The following SEMA3C variants were observed in gnomAD, a reference collection of about 807,000 sequenced individuals.
The protein encoded by SEMA3C is semaphorin 3C.
SEMA3C carries 47 observed loss-of-function variants against 89.4 expected under a neutral mutation model. The observed-to-expected ratio is 0.53, with a 90% CI of 0.42 to 0.67. SEMA3C has a LOEUF of 0.67. Among genes scored for constraint, SEMA3C ranks in the 30% least tolerant of loss-of-function variants. SEMA3C has a pLI of 0.00. For missense variants in SEMA3C, 839 were observed against 929.1 expected (o/e 0.90, Z 1.26); for synonymous variants, 310 against 320.2 (o/e 0.97, Z 0.34).
At chr7:80,755,608 C>A (rs1316289555) in intron 15 of SEMA3C, among the ~76,000 whole-genome samples, 1 of 151,606 alleles carries the variant, frequency 6.6e-6, no homozygotes, top group Non-Finnish European at 1.5e-5. Flanking sequence ...CAGCTTCCTT[C>A]AGTACTATAT....
At chr7:80,905,980 A>G (rs1335173084) in intron 2 of SEMA3C, 1 of 977,276 alleles carries the variant, frequency 1.0e-6, no homozygotes, top group Non-Finnish European at 1.4e-6. Flanking sequence ...GAATAATAAA[A>G]CCTCTTTGTA....
chr7:80,778,787 C>T (rs188857358), intron 12 of SEMA3C, among the ~76,000 whole-genome samples: 20 of 152,236 alleles, frequency 1.3e-4, no homozygotes, highest in African/African-American at 3.9e-4. Context: ...TATAACAGTG[C>T]CACATCTGAT....
chr7:80,873,491 C>T (rs1464302710), intron 2 of SEMA3C, among the ~76,000 whole-genome samples: 8 of 152,258 alleles, frequency 5.3e-5, no homozygotes, highest in South Asian at 4.1e-4. Context: ...TTCTCTTAAA[C>T]GAATCAAATC....
intron 2 of SEMA3C, among the ~76,000 whole-genome samples, chr7:80,889,960 T>C (rs1448916921): frequency 6.6e-6 from 1 of 152,182 alleles, no homozygotes; most frequent in Non-Finnish European, 1.5e-5. Flanking sequence ...TTGTTTGATA[T>C]GTAGTCTATT....
chr7:80,865,130 C>A (rs1166394923), intron 2 of SEMA3C, among the ~76,000 whole-genome samples: 1 of 152,084 alleles, frequency 6.6e-6, no homozygotes, highest in Non-Finnish European at 1.5e-5. Context: ...TTCTTTAAAT[C>A]CTCCTTTATA....
intron 2 of SEMA3C, among the ~76,000 whole-genome samples, chr7:80,883,653 G>T (rs1791405210): frequency 6.6e-6 from 1 of 152,154 alleles, no homozygotes; most frequent in Admixed American, 6.5e-5. Flanking sequence ...GCTTCTTGCT[G>T]TTCCTTCCAT....
intron 2 of SEMA3C, among the ~76,000 whole-genome samples, chr7:80,907,234 T>G (rs1476044579): frequency 6.6e-6 from 1 of 152,110 alleles, no homozygotes; most frequent in Non-Finnish European, 1.5e-5. Context: ...CAGTTGCATG[T>G]GCATTAAAGC....
intron 2 of SEMA3C, among the ~76,000 whole-genome samples, chr7:80,865,983 C>T (rs1790918043): frequency 6.6e-6 from 1 of 152,060 alleles, no homozygotes; most frequent in African/African-American, 2.4e-5. Flanking sequence ...CCATAGTTTT[C>T]TTCTTTTGTC....
At chr7:80,750,473 T>TATATATATATATACATACACACACAC (rs869227686) in intron 16 of SEMA3C, among the ~76,000 whole-genome samples, 1 of 55,436 alleles carries the variant, frequency 1.8e-5, no homozygotes, top group Non-Finnish European at 3.5e-5. Flanking sequence ...TATATATATA[T>TATATATATATATACATACACACACAC]ACACACACAC....
intron 15 of SEMA3C, among the ~76,000 whole-genome samples, chr7:80,752,039 C>A (rs922873966): frequency 6.6e-6 from 1 of 152,098 alleles, no homozygotes; most frequent in East Asian, 1.9e-4. Flanking sequence ...TGCTGTGGAT[C>A]CACACCTATG....
At chr7:80,850,885 A>G (rs1242249463) in intron 2 of SEMA3C, among the ~76,000 whole-genome samples, 1 of 152,168 alleles carries the variant, frequency 6.6e-6, no homozygotes, top group Admixed American at 6.5e-5. Flanking sequence ...TTAAAACACA[A>G]AATTTTTTCT....
At chr7:80,804,401 C>G (rs1789288502) in intron 7 of SEMA3C, among the ~76,000 whole-genome samples, 153 bp from the exon 8 acceptor site, 1 of 152,118 alleles carries the variant, frequency 6.6e-6, no homozygotes, top group Admixed American at 6.6e-5. Context: ...TAATTGCATT[C>G]ACACACCATG....
intron 2 of SEMA3C, among the ~76,000 whole-genome samples, chr7:80,860,775 A>G (rs1019739602): frequency 1.3e-5 from 2 of 152,124 alleles, no homozygotes; most frequent in African/African-American, 4.8e-5. Context: ...CCACACAAAC[A>G]TCTGTTTGCT....
At chr7:80,752,614 C>A (rs1334418788) in intron 15 of SEMA3C, among the ~76,000 whole-genome samples, 1,635 of 110,558 alleles carry the variant, frequency 0.015, no homozygotes, top group African/African-American at 0.018. Context: ...GACTCCATCT[C>A]AAAAAAAAAA....
chr7:80,777,316 G>A lies in SEMA3C; in HGVS notation c.1354+11990C>T, dbSNP rs550618593. Among the ~76,000 whole-genome samples the A allele has an allele frequency of 9.2e-5, 14 of 151,670 alleles. No individual in the cohort carries two copies. The South Asian group carries it at 2.9e-3, about 32-fold the overall frequency. On this transcript the variant is annotated intron_variant, in intron 12 of 17. Transcript: ENST00000265361. ...TTATTTGGGGTTTTTTTTTTAGACGGCGTCTGGCTCTGTCACCCAAGCTAG... is the reference window on the plus strand; with the variant it reads ...TTATTTGGGGTTTTTTTTTTAGACGACGTCTGGCTCTGTCACCCAAGCTAG...
At chr7:80,761,753 ACTTTT>A in intron 13 of SEMA3C, 96 bp from the exon 14 acceptor site, 1 of 677,476 alleles carries the variant, frequency 1.5e-6, no homozygotes, top group East Asian at 3.2e-5. Flanking sequence ...AGAAGAAATC[ACTTTT>A]CTTTATATAT....
chr7:80,883,720 TA>T (rs1403147629), intron 2 of SEMA3C, among the ~76,000 whole-genome samples: 25 of 152,260 alleles, frequency 1.6e-4, no homozygotes, highest in African/African-American at 6.0e-4. Flanking sequence ...AAAGCAGCTT[TA>T]CAGTGATTCA....
intron 15 of SEMA3C, among the ~76,000 whole-genome samples, chr7:80,752,829 T>C (rs1787968207): frequency 6.6e-6 from 1 of 152,128 alleles, no homozygotes; most frequent in Non-Finnish European, 1.5e-5. Flanking sequence ...TTAAATATTG[T>C]GAATACCAGC....
intron 5 of SEMA3C, among the ~76,000 whole-genome samples, chr7:80,815,575 T>TAAAAAAAAAAAAAAAAAAAAAAAAAAA (rs1789585531): frequency 6.6e-4 from 54 of 82,002 alleles, no homozygotes; most frequent in Admixed American, 1.8e-3. Flanking sequence ...AAAAAAAAAG[T>TAAAAAAAAAAAAAAAAAAAAAAAAAAA]AAATGTAGAG....
Sources: allele counts gnomAD v4.1 joint callset (sites outside exome capture counted in the v4.1 genomes callset), GRCh38; gene constraint gnomAD v4.1.1; transcripts MANE v1.5; gene names NCBI Gene and HGNC (gene_info 2026-07-23, HGNC 2026-07-21).